The following CDH4 variants were observed in gnomAD, a reference collection of about 807,000 sequenced individuals.
CDH4 encodes cadherin-4.
Under a neutral mutation model 86.0 loss-of-function variants are expected in CDH4, and 33 were observed. That is an observed-to-expected ratio of 0.38 (90% CI 0.29 to 0.51). The LOEUF (loss-of-function observed/expected upper bound fraction) is 0.51. Among genes scored for constraint, CDH4 ranks in the 20% least tolerant of loss-of-function variants. The pLI, the probability that CDH4 is intolerant of heterozygous loss-of-function variation, is 0.86. For missense variants in CDH4, 1,114 were observed against 1,307.4 expected (o/e 0.85, Z 2.28); for synonymous variants, 555 against 549.4 (o/e 1.01, Z -0.14).
chr20:61,361,831 C>A (rs1460183220), intron 2 of CDH4, among the ~76,000 whole-genome samples: 1 of 152,214 alleles, frequency 6.6e-6, no homozygotes, highest in Non-Finnish European at 1.5e-5. Flanking sequence ...CAAGAAGAGG[C>A]CAGCCCAGCA....
At chr20:61,606,809 G>A (rs1257178801) in intron 2 of CDH4, among the ~76,000 whole-genome samples, 3 of 152,248 alleles carry the variant, frequency 2.0e-5, no homozygotes, top group Non-Finnish European at 2.9e-5. Context: ...GAGGTTAAAT[G>A]ACTCTGTGTG....
rs948442680 is a variant in CDH4 at position 61,829,720 on chromosome 20, G to A, written c.577-14948G>A. ...GGAGGCTCCCTCTGTGCCGACGCCC[G>A]TGGGCTGCAGACGGGTGGGTGACTG... On this transcript the variant is annotated intron_variant, in intron 4 of 15. Transcript: ENST00000614565. The surrounding 1 kb of genome is among the most constrained non-coding windows in gnomAD (Gnocchi z 4.2). 4.6e-5 allele frequency among the ~76,000 whole-genome samples: 7 copies of A among 152,142 alleles called. No homozygotes were observed. Among genetic ancestry groups the A allele is most frequent in the East Asian group, 1.9e-4 (1 of 5,186 alleles).
intron 2 of CDH4, among the ~76,000 whole-genome samples, chr20:61,334,365 C>T (rs567504220): frequency 2.6e-5 from 4 of 152,134 alleles, no homozygotes; most frequent in East Asian, 3.9e-4. Context: ...GAGGTTAAAC[C>T]GTCACTGAGG....
intron 2 of CDH4, among the ~76,000 whole-genome samples, chr20:61,586,783 G>A (rs1172706849): frequency 5.9e-5 from 9 of 152,194 alleles, no homozygotes; most frequent in Non-Finnish European, 1.3e-4. Flanking sequence ...AAGTCACCAG[G>A]TTATGGAGAG....
intron 2 of CDH4, among the ~76,000 whole-genome samples, chr20:61,545,961 CGTGTGTGTGTGTG>C (rs2086077960): frequency 2.5e-4 from 12 of 48,332 alleles, no homozygotes; most frequent in East Asian, 8.1e-4. Context: ...GGTGTGTGTT[CGTGTGTGTGTGTG>C]TGTGTGTGGA....
intron 4 of CDH4, among the ~76,000 whole-genome samples, chr20:61,841,922 G>A (rs1374690174): frequency 6.6e-6 from 1 of 152,146 alleles, no homozygotes; most frequent in South Asian, 2.1e-4. Flanking sequence ...TTTCTATTAC[G>A]ACATGAGACA....
chr20:61,682,006 A>G (rs746113289), intron 2 of CDH4, among the ~76,000 whole-genome samples: 10 of 152,206 alleles, frequency 6.6e-5, no homozygotes, highest in Non-Finnish European at 1.2e-4. Context: ...TGGAGAACCT[A>G]TGGCTTCAGT....
chr20:61,253,485 C>T (rs1284026843), intron 1 of CDH4, among the ~76,000 whole-genome samples: 1 of 152,030 alleles, frequency 6.6e-6, no homozygotes, highest in Non-Finnish European at 1.5e-5. Context: ...TGCCTTCTCC[C>T]GGGCAGCGCT....
At chr20:61,378,862 A>T (rs6062227) in intron 2 of CDH4, among the ~76,000 whole-genome samples, 37,443 of 152,112 alleles carry the variant, frequency 0.25, 4,998 homozygotes, top group African/African-American at 0.34. Flanking sequence ...GATGTCCCAA[A>T]GGTAGCCTTC....
At chr20:61,798,507 GC>G (rs1165321033) in intron 4 of CDH4, among the ~76,000 whole-genome samples, 1 of 152,206 alleles carries the variant, frequency 6.6e-6, no homozygotes, top group African/African-American at 2.4e-5. Flanking sequence ...AGGCGGGTGG[GC>G]CCCTCAGGAA....
intron 2 of CDH4, among the ~76,000 whole-genome samples, chr20:61,470,819 T>C (rs8118406): frequency 0.04 from 6,135 of 152,296 alleles, 425 homozygotes; most frequent in African/African-American, 0.14. Context: ...TTGTCCTTCA[T>C]TCTGTTGATA....
At chr20:61,257,214 C>G (rs1003813262) in intron 2 of CDH4, among the ~76,000 whole-genome samples, 1 of 152,216 alleles carries the variant, frequency 6.6e-6, no homozygotes, top group Non-Finnish European at 1.5e-5. Flanking sequence ...GCGACTGCTC[C>G]GTGGCTCCTT....
chr20:61,291,922 C>T lies in CDH4; in HGVS notation c.169+36985C>T, dbSNP rs150433639. ...CACCCTCCCTGCTCAAGTAGCCCCC[C>T]GTGTCTGGTGTTTCTTTCTTTGTGT... On this transcript the variant is annotated intron_variant, in intron 2 of 15. Transcript: ENST00000614565. 3.3e-4 allele frequency among the ~76,000 whole-genome samples: 51 copies of T among 152,294 alleles called. No homozygotes were observed. In the East Asian group the frequency reaches 5.2e-3, roughly 16 times the overall value.
intron 2 of CDH4, among the ~76,000 whole-genome samples, chr20:61,291,408 G>A (rs2084320108): frequency 6.6e-6 from 1 of 152,238 alleles, no homozygotes; most frequent in African/African-American, 2.4e-5. Flanking sequence ...TGGGCCCTGG[G>A]CCTGCTCTTG....
At chr20:61,737,279 G>C (rs2088277043) in intron 2 of CDH4, among the ~76,000 whole-genome samples, 1 of 152,152 alleles carries the variant, frequency 6.6e-6, no homozygotes. Context: ...AATCCATCTT[G>C]TCCAGAACAG....
chr20:61,665,242 G>A (rs1243775678), intron 2 of CDH4, among the ~76,000 whole-genome samples: 4 of 152,242 alleles, frequency 2.6e-5, no homozygotes, highest in African/African-American at 4.8e-5. Flanking sequence ...GGCTGGGGGC[G>A]GCCTTGGCCT....
In CDH4 at chr20:61,526,848, CA is replaced by C. The variant is rs2085914395; in HGVS notation, c.170-216712del. On this transcript the variant is annotated intron_variant, in intron 2 of 15. Transcript: ENST00000614565. The stretch of plus-strand genomic sequence containing the variant: ...AAGTTAAAAAGGTTGCTGTCAAAAT[CA>C]AATGGCATGTCAATTTTAATGAGCA... Among the ~76,000 whole-genome samples the C allele has an allele frequency of 2.0e-5, 3 of 152,112 alleles. No individual in the cohort carries two copies. In the South Asian group the frequency reaches 6.2e-4, roughly 32 times the overall value.
chr20:61,563,777 A>T (rs541878386), intron 2 of CDH4, among the ~76,000 whole-genome samples: 3 of 152,078 alleles, frequency 2.0e-5, no homozygotes, highest in Non-Finnish European at 2.9e-5. Context: ...GGCTCTGTGG[A>T]GCTGTGTCCT....
chr20:61,814,873 G>A (rs1980634050), intron 4 of CDH4, among the ~76,000 whole-genome samples: 1 of 152,162 alleles, frequency 6.6e-6, no homozygotes, highest in Non-Finnish European at 1.5e-5. Flanking sequence ...ATCCCTGCAA[G>A]GTGCTGAGGC....
Sources: gnomAD v4.1 joint callset for allele counts (sites outside exome capture counted in the v4.1 genomes callset) on GRCh38, gnomAD v4.1.1 for gene constraint, Gnocchi (gnomAD v3.1) non-coding constraint, MANE v1.5 for transcripts, NCBI Gene and HGNC (gene_info 2026-07-23, HGNC 2026-07-21) for gene names.